Variants in PLEKHO2 observed in about 807,000 individuals in gnomAD.
PLEKHO2 encodes pleckstrin homology domain-containing family O member 2.
In PLEKHO2, 20 loss-of-function variants were observed where a neutral mutation model predicts 32.7. The ratio of observed to expected loss-of-function variants is 0.61; its 90% confidence interval spans 0.43 to 0.89. The LOEUF is 0.89. Among genes scored for constraint, PLEKHO2 ranks in the 40% least tolerant of loss-of-function variants. The pLI is 0.00. For synonymous variants in PLEKHO2, 247 were observed against 246.3 expected (o/e 1.00, Z -0.03); for missense variants, 568 against 621.2 (o/e 0.91, Z 0.91).
chr15:64,865,332 G>T lies in PLEKHO2; in HGVS notation c.917G>T (p.Gly306Val), dbSNP rs146304275. 140 of 1,613,790 alleles carry T rather than the reference G, an allele frequency of 8.7e-5. No homozygotes were observed. Among genetic ancestry groups the T allele is most frequent in the Middle Eastern group, 1.6e-4 (1 of 6,084 alleles). ...ACTTCTGAGGCTGCCCCCAGGGAGG[G>T]TGGGAAGCCCCCTACACCCCCACCC... ...SETSEAAPREGGKPPTPPPKI... is the reference protein window; with the variant it reads ...SETSEAAPREVGKPPTPPPKI... The change falls in exon 6 of 6, where the codon GGT becomes GTT. Residue 306 changes from glycine to valine, a missense_variant. Coordinates refer to ENST00000323544, the MANE Select transcript of PLEKHO2 (RefSeq NM_025201.5).
intron 3 of PLEKHO2, among the ~76,000 whole-genome samples, chr15:64,859,519 C>A (rs2084628886): frequency 6.6e-6 from 1 of 152,178 alleles, no homozygotes; most frequent in Non-Finnish European, 1.5e-5. Context: ...AGAGCTCCTA[C>A]CTGAATTGGG....
intron 5 of PLEKHO2, among the ~76,000 whole-genome samples, 171 bp downstream of exon 5, chr15:64,861,746 T>TG (rs2084643689): frequency 6.6e-6 from 1 of 152,184 alleles, no homozygotes; most frequent in Non-Finnish European, 1.5e-5. Context: ...GCTCAGGGTA[T>TG]GGATGTCCTT....
rs201497536 is a variant in PLEKHO2, at chr15:64,859,998, G to C, written c.384G>C (p.Glu128Asp). 9 of 1,613,410 alleles carry C rather than the reference G, an allele frequency of 5.6e-6. No homozygotes were observed. In the Admixed American group the frequency reaches 1.5e-4, roughly 27 times the overall value. Residue 128 changes from glutamate (E) to aspartate (D), a missense_variant and splice_region_variant, in exon 4 of 6, where the codon GAG becomes GAC. Coordinates refer to ENST00000323544, the MANE Select transcript of PLEKHO2 (RefSeq NM_025201.5). ...GAGGCAAAAACAAGGCTTTCGATGA[G>C]GTGCGATGCAGTCTGTGGACATGGA... is the stretch of plus-strand genomic sequence containing the variant. The part of the protein sequence containing the change: ...INRGKNKAFD[E>D]VKVDKSCALE...
intron 3 of PLEKHO2, among the ~76,000 whole-genome samples, chr15:64,858,455 A>T (rs1434219283): frequency 6.6e-6 from 1 of 152,244 alleles, no homozygotes; most frequent in East Asian, 1.9e-4. Context: ...TCTTGAGGTC[A>T]GAGAGTAGGC....
chr15:64,867,634 C>A lies in PLEKHO2; in HGVS notation c.*1746C>A, dbSNP rs2084698802. 6.6e-6 allele frequency: 1 copy of A among 152,270 alleles called. No individual in the cohort carries two copies. Among genetic ancestry groups the A allele is most frequent in the Non-Finnish European group, 1.5e-5 (1 of 68,078 alleles). The allele number at this position is 152,270 out of a possible 1,614,324, so 9.4% of individuals were successfully genotyped here. A position where few individuals can be genotyped will look rare whatever the true frequency, so the allele number is the denominator to read the frequency against. ...CACCTACTGCCAGGAATTGGAGCCTCAGTTCCCTCCTGTGTCAAGTAGCTA... is the reference window on the plus strand; with the variant it reads ...CACCTACTGCCAGGAATTGGAGCCTAAGTTCCCTCCTGTGTCAAGTAGCTA... On this transcript the variant is annotated 3_prime_UTR_variant, in exon 6 of 6. Coordinates refer to ENST00000323544, the MANE Select transcript of PLEKHO2 (RefSeq NM_025201.5).
At chr15:64,856,492 C>T (rs1258702738) in intron 3 of PLEKHO2, among the ~76,000 whole-genome samples, 1 of 152,150 alleles carries the variant, frequency 6.6e-6, no homozygotes, top group Non-Finnish European at 1.5e-5. Flanking sequence ...CTCTGAGAAT[C>T]AGCTGGTGAT....
chr15:64,861,639 G>A (rs1426580385), intron 5 of PLEKHO2, 64 bp downstream of exon 5: 13 of 1,366,118 alleles, frequency 9.5e-6, no homozygotes, highest in Admixed American at 2.6e-5. Flanking sequence ...TCCTCTGGGC[G>A]GCAGCCAGGC....
At chr15:64,856,841 C>T (rs1195110323) in intron 3 of PLEKHO2, among the ~76,000 whole-genome samples, 1 of 152,224 alleles carries the variant, frequency 6.6e-6, no homozygotes, top group Non-Finnish European at 1.5e-5. Context: ...CCCACATCCT[C>T]TCACCCTCCT....
At chr15:64,847,826 A>G (rs1358596336) in intron 1 of PLEKHO2, among the ~76,000 whole-genome samples, 1 of 152,062 alleles carries the variant, frequency 6.6e-6, no homozygotes, top group Non-Finnish European at 1.5e-5. Context: ...AGGGGAGAGG[A>G]GCCTCCTGCT....
At chr15:64,844,518 G>A (rs1212340490) in intron 1 of PLEKHO2, among the ~76,000 whole-genome samples, 2 of 152,182 alleles carry the variant, frequency 1.3e-5, no homozygotes, top group African/African-American at 2.4e-5. Flanking sequence ...GTACTCTGGG[G>A]CTCTGTCCTC....
intron 3 of PLEKHO2, among the ~76,000 whole-genome samples, chr15:64,855,970 C>T (rs1031017521): frequency 6.6e-6 from 1 of 152,072 alleles, no homozygotes; most frequent in African/African-American, 2.4e-5. Context: ...TACTCATTGA[C>T]CCTTTGTCCT....
At chr15:64,856,845 C>T (rs1277592829) in intron 3 of PLEKHO2, among the ~76,000 whole-genome samples, 1 of 152,230 alleles carries the variant, frequency 6.6e-6, no homozygotes, top group Admixed American at 6.5e-5. Flanking sequence ...CATCCTCTCA[C>T]CCTCCTTTCT....
At chr15:64,863,042 AG>A (rs2084654161) in intron 5 of PLEKHO2, among the ~76,000 whole-genome samples, 1 of 150,964 alleles carries the variant, frequency 6.6e-6, no homozygotes, top group African/African-American at 2.4e-5. Context: ...GGGTTCAAGA[AG>A]TTCTCTGCCT....
intron 1 of PLEKHO2, among the ~76,000 whole-genome samples, chr15:64,845,817 G>T (rs768675982): frequency 2.0e-5 from 3 of 152,188 alleles, no homozygotes; most frequent in Non-Finnish European, 4.4e-5. Flanking sequence ...TTTCAGGAGA[G>T]GTCATGAGTG....
chr15:64,860,672 G>T (rs1363039519), intron 4 of PLEKHO2, among the ~76,000 whole-genome samples: 1 of 152,210 alleles, frequency 6.6e-6, no homozygotes, highest in Non-Finnish European at 1.5e-5. Flanking sequence ...TTAATACCCA[G>T]GTTCCCCGAC....
Position 64,843,161 on chromosome 15 carries a change from C to T in PLEKHO2, c.12+1133C>T, listed in dbSNP as rs528591332. Among the ~76,000 whole-genome samples the T allele has an allele frequency of 1.6e-4, 25 of 152,362 alleles. No individual in the cohort carries two copies. The South Asian group carries it at 3.1e-3, about 19-fold the overall frequency. Reference sequence around the variant, plus strand: ...TGGATAGGAGCAGCTAGTGGTCCGTCAGGGCTCCCTCTAGGCCAGGCCCTG... The same window carrying T: ...TGGATAGGAGCAGCTAGTGGTCCGTTAGGGCTCCCTCTAGGCCAGGCCCTG... On this transcript the variant is annotated intron_variant, in intron 1 of 5. Coordinates refer to ENST00000323544, the MANE Select transcript of PLEKHO2 (RefSeq NM_025201.5).
chr15:64,848,560 A>G (rs747778100), intron 1 of PLEKHO2, 33 bp from the exon 2 acceptor site: 3 of 1,612,992 alleles, frequency 1.9e-6, no homozygotes, highest in South Asian at 1.1e-5. Context: ...CATGGTAGCA[A>G]CCCTCATGGT....
Position 64,860,141 on chromosome 15 carries a change from TC to T in PLEKHO2, c.384+145del, listed in dbSNP as rs1419571818. The stretch of plus-strand genomic sequence containing the variant: ...GGGGCATTGTTGTTACCTTCTATAG[TC>T]CTCACTACAGCCCCTCATAGTAGGT... On this transcript the variant is annotated intron_variant, in intron 4 of 5. Transcript: ENST00000323544. 3.4e-5 allele frequency: 23 copies of T among 682,284 alleles called. No individual in the cohort carries two copies. In the African/African-American group the frequency reaches 3.6e-4, roughly 11 times the overall value. 42.3% of individuals were successfully genotyped at this position (682,284 alleles called of 1,614,324 possible).
At position 64,865,494 on chromosome 15, in the gene PLEKHO2, G is replaced by T. The variant is rs2084676154; in HGVS notation, c.1079G>T (p.Gly360Val). 1 of 1,613,816 alleles carries T rather than the reference G, an allele frequency of 6.2e-7. No homozygotes were observed. Reference sequence around the variant, plus strand: ...CCTGCCAAGCCCTCTCAGGCTGAGGGCACCCCAGGAACTCCTCCAAAGGAT... The same window carrying T: ...CCTGCCAAGCCCTCTCAGGCTGAGGTCACCCCAGGAACTCCTCCAAAGGAT... ...PEPAKPSQAE[G>V]TPGTPPKDAT... Residue 360 changes from glycine (G) to valine (V), a missense_variant, in exon 6 of 6, where the codon GGC becomes GTC. Coordinates refer to ENST00000323544, the MANE Select transcript of PLEKHO2 (RefSeq NM_025201.5).
Sources: gnomAD v4.1 joint callset for allele counts (sites outside exome capture counted in the v4.1 genomes callset) on GRCh38, gnomAD v4.1.1 for gene constraint, MANE v1.5 for transcripts, NCBI Gene and HGNC (gene_info 2026-07-23, HGNC 2026-07-21) for gene names.